SLC36A3: variants seen among roughly 807,000 people sequenced by gnomAD.
SLC36A3 encodes proton-coupled amino acid transporter 3.
In SLC36A3, 35 loss-of-function variants were observed where a neutral mutation model predicts 44.3. The ratio of observed to expected loss-of-function variants is 0.79; its 90% CI spans 0.60 to 1.05. The LOEUF is 1.05. Ranked by LOEUF, SLC36A3 falls within the 50% of genes least tolerant of loss-of-function variation. The pLI, the probability that SLC36A3 is intolerant of heterozygous loss-of-function variation, is 0.00. For synonymous variants in SLC36A3, 211 were observed against 227.6 expected, an observed-to-expected ratio of 0.93 and a Z score of 0.66; for missense variants, 540 against 578.7, an observed-to-expected ratio of 0.93 and a Z score of 0.69.
intron 4 of SLC36A3, 90 bp downstream of exon 4, chr5:151,293,274 G>T: frequency 9.3e-7 from 1 of 1,080,404 alleles, no homozygotes; most frequent in South Asian, 1.5e-5. Context: ...TACAATAAGA[G>T]CATATTCATT....
At chr5:151,296,077 G>A (rs1038952597) in intron 3 of SLC36A3, 103 bp downstream of exon 3, 7 of 1,046,370 alleles carry the variant, frequency 6.7e-6, no homozygotes, top group Admixed American at 4.1e-5. Flanking sequence ...TAGGAAGGTG[G>A]CCTGGAGCAG....
intron 2 of SLC36A3, chr5:151,297,148 G>A (rs1416130700): frequency 1.3e-5 from 2 of 152,178 alleles, no homozygotes; most frequent in Non-Finnish European, 2.9e-5. Flanking sequence ...ATTCCCAGGG[G>A]CTACAAATGC....
intron 2 of SLC36A3, 31 bp downstream of exon 2, chr5:151,298,562 A>C: frequency 6.2e-7 from 1 of 1,611,012 alleles, no homozygotes; most frequent in Non-Finnish European, 8.5e-7. Context: ...AAATGAGCAA[A>C]CCTAGTTCCC....
At chr5:151,296,335 C>G in intron 2 of SLC36A3, 67 bp from the exon 3 acceptor site, 1 of 1,381,946 alleles carries the variant, frequency 7.2e-7, no homozygotes, top group Non-Finnish European at 1.0e-6. Flanking sequence ...GGCCCTCTCA[C>G]AGTCTGCGTG....
chr5:151,293,015 G>A (rs1226379405), intron 4 of SLC36A3, among the ~76,000 whole-genome samples: 1 of 152,018 alleles, frequency 6.6e-6, no homozygotes, highest in African/African-American at 2.4e-5. Context: ...TCATTTATAT[G>A]TTCCAACATG....
At chr5:151,291,105 C>T (rs1754745983) in intron 4 of SLC36A3, among the ~76,000 whole-genome samples, 1 of 151,736 alleles carries the variant, frequency 6.6e-6, no homozygotes, top group African/African-American at 2.4e-5. Flanking sequence ...ACCTCAGCCT[C>T]CTGAGTAGCT....
intron 1 of SLC36A3, among the ~76,000 whole-genome samples, chr5:151,301,752 C>A (rs1047530190): frequency 7.0e-6 from 1 of 142,410 alleles, no homozygotes; most frequent in East Asian, 2.1e-4. Context: ...AAAAAACCTC[C>A]AGTCTCTTGC....
chr5:151,300,103 C>A (rs1353637320), intron 1 of SLC36A3, among the ~76,000 whole-genome samples: 1 of 152,208 alleles, frequency 6.6e-6, no homozygotes, highest in South Asian at 2.1e-4. Flanking sequence ...GAGATACAGA[C>A]GAAGTCTCAG....
chr5:151,279,780 C>T (rs1264083244), intron 9 of SLC36A3, among the ~76,000 whole-genome samples: 1 of 152,208 alleles, frequency 6.6e-6, no homozygotes, highest in East Asian at 1.9e-4. Flanking sequence ...GTATGTTCTG[C>T]TGCACAGCTC....
At chr5:151,302,589 G>A (rs1457496783) in intron 1 of SLC36A3, among the ~76,000 whole-genome samples, 1 of 144,746 alleles carries the variant, frequency 6.9e-6, no homozygotes, top group African/African-American at 2.5e-5. Flanking sequence ...GGGGGCAGGG[G>A]ATGGGAGAGC....
At chr5:151,290,756 A>G (rs570682625) in intron 4 of SLC36A3, among the ~76,000 whole-genome samples, 18 of 152,078 alleles carry the variant, frequency 1.2e-4, no homozygotes, top group African/African-American at 3.4e-4. Flanking sequence ...TTAGCCGGGC[A>G]TGGTGGCGGG....
chr5:151,286,642 G>T (rs184389613), intron 6 of SLC36A3, among the ~76,000 whole-genome samples: 2 of 152,120 alleles, frequency 1.3e-5, no homozygotes, highest in Admixed American at 6.6e-5. Context: ...TTTTATTGTT[G>T]TATATTTTTA....
rs898832699 is a variant in SLC36A3 at position 151,302,920 on chromosome 5, T to G, written c.128+307A>C. 4.0e-5 allele frequency among the ~76,000 whole-genome samples: 6 copies of G among 151,754 alleles called. No homozygotes were observed. In the South Asian group the frequency reaches 1.2e-3, roughly 32 times the overall value. ...TGAGGAGAAGAAGGCAGCCAGAGACTGTGGAAGAAAGAAAGGGAGGAAGGA... is the reference window on the plus strand; with the variant it reads ...TGAGGAGAAGAAGGCAGCCAGAGACGGTGGAAGAAAGAAAGGGAGGAAGGA... On this transcript the variant is annotated intron_variant, in intron 1 of 9. Transcript: ENST00000335230.
rs143470272 is a variant in SLC36A3 at position 151,281,072 on chromosome 5, T to A, written c.1086A>T (p.Ser362=). 5.0e-6 allele frequency: 8 copies of A among 1,614,194 alleles called. No individual in the cohort carries two copies. The highest frequency in any genetic ancestry group is 6.8e-6 in the Non-Finnish European group (8 of 1,180,030). Residue 362 remains serine (S), a synonymous_variant, in exon 9 of 10, where the codon TCA becomes TCT. Coordinates refer to ENST00000335230, the MANE Select transcript of SLC36A3 (RefSeq NM_181774.4). ...IIIPFAISQV[S]ESWALFVDLS... Reference sequence around the variant, plus strand: ...GGTCTACAAACAGTGCCCAGCTCTCTGACACTTGGGAGATGGCAAACGGGA... The same window carrying A: ...GGTCTACAAACAGTGCCCAGCTCTCAGACACTTGGGAGATGGCAAACGGGA...
At chr5:151,289,675 T>C (rs758618106) in intron 4 of SLC36A3, among the ~76,000 whole-genome samples, 9 of 152,296 alleles carry the variant, frequency 5.9e-5, no homozygotes, top group East Asian at 1.9e-4. Flanking sequence ...TATAGGCCAA[T>C]TGTCTTATAG....
At chr5:151,277,878 T>C (rs1018460378) in intron 9 of SLC36A3, among the ~76,000 whole-genome samples, 16 of 152,122 alleles carry the variant, frequency 1.1e-4, no homozygotes, top group African/African-American at 3.4e-4. Flanking sequence ...TTTTTTTACA[T>C]ATAATCTTTA....
Position 151,276,664 on chromosome 5 carries a change from A to T in SLC36A3, c.*729T>A, listed in dbSNP as rs1441844338. The T allele has an allele frequency of 1.3e-5, 2 of 152,390 alleles. No individual in the cohort carries two copies. The highest frequency in any genetic ancestry group is 3.9e-4 in the East Asian group (2 of 5,192). The allele number at this position is 152,390 out of a possible 1,614,324, so 9.4% of individuals were successfully genotyped here. A position where few individuals can be genotyped will look rare whatever the true frequency, so the allele number is the denominator to read the frequency against. ...GTTTAAGTTTTAAAGAAACTACAAG[A>T]TGTTTATCAAACTGATTGTACTACT... is the stretch of plus-strand genomic sequence containing the variant. On this transcript the variant is annotated 3_prime_UTR_variant, in exon 10 of 10. Coordinates refer to ENST00000335230, the MANE Select transcript of SLC36A3 (RefSeq NM_181774.4).
intron 6 of SLC36A3, among the ~76,000 whole-genome samples, chr5:151,285,725 AG>A (rs1754512203): frequency 6.6e-6 from 1 of 152,202 alleles, no homozygotes; most frequent in Non-Finnish European, 1.5e-5. Context: ...GGGTGGGACA[AG>A]CATCCTTAAA....
At chr5:151,296,037 C>T in intron 3 of SLC36A3, 143 bp downstream of exon 3, 1 of 743,110 alleles carries the variant, frequency 1.3e-6, no homozygotes, top group Non-Finnish European at 2.3e-6. Flanking sequence ...CTCTGTCATG[C>T]TCTCCTTGCC....
Sources: gnomAD v4.1 joint callset for allele counts (sites outside exome capture counted in the v4.1 genomes callset) on GRCh38, gnomAD v4.1.1 for gene constraint, MANE v1.5 for transcripts, NCBI Gene and HGNC (gene_info 2026-07-23, HGNC 2026-07-21) for gene names.